The following MPPED2 variants were observed in gnomAD, a reference collection of about 807,000 sequenced individuals.
MPPED2 encodes the protein metallophosphoesterase domain containing 2, also known as metallophosphoesterase MPPED2.
A neutral mutation model predicts 33.0 loss-of-function variants in MPPED2; 5 were observed. That is an observed-to-expected ratio of 0.15 (90% CI 0.08 to 0.32). MPPED2 has a LOEUF of 0.32. MPPED2 is among the 10% of genes least tolerant of loss of function. The pLI, the probability that MPPED2 is intolerant of heterozygous loss-of-function variation, is 1.00. For synonymous variants in MPPED2, 136 were observed against 141.9 expected, an observed-to-expected ratio of 0.96 and a Z score of 0.29; for missense variants, 275 against 372.1, an observed-to-expected ratio of 0.74 and a Z score of 2.15.
At chr11:30,451,641 G>T (rs1950069106) in intron 4 of MPPED2, 1 of 911,026 alleles carries the variant, frequency 1.1e-6, no homozygotes, top group South Asian at 5.1e-5. Flanking sequence ...AATGATAAAA[G>T]AAGCCTGTAT....
intron 4 of MPPED2, among the ~76,000 whole-genome samples, chr11:30,439,479 G>T (rs1393206652): frequency 6.6e-6 from 1 of 152,154 alleles, no homozygotes; most frequent in Non-Finnish European, 1.5e-5. Flanking sequence ...ATGTCTGAAG[G>T]TTCGGGCACA....
chr11:30,414,535 T>C (rs1206029521), intron 5 of MPPED2, among the ~76,000 whole-genome samples, 194 bp from the exon 6 acceptor site: 1 of 147,554 alleles, frequency 6.8e-6, no homozygotes, highest in Admixed American at 6.8e-5. Flanking sequence ...TGAAATTTTT[T>C]TTTGGTTTCC....
At chr11:30,430,527 C>T (rs558785987) in intron 4 of MPPED2, among the ~76,000 whole-genome samples, 2 of 152,104 alleles carry the variant, frequency 1.3e-5, no homozygotes, top group Non-Finnish European at 2.9e-5. Context: ...ATATTCATAT[C>T]GGAAAATGCT....
intron 4 of MPPED2, among the ~76,000 whole-genome samples, chr11:30,435,593 C>A (rs1164903371): frequency 6.6e-6 from 1 of 152,178 alleles, no homozygotes; most frequent in East Asian, 1.9e-4. Flanking sequence ...AGTTGAAGAG[C>A]AGGAAGTTTT....
intron 4 of MPPED2, chr11:30,429,066 C>T (rs532395): frequency 0.22 from 33,496 of 152,064 alleles, 4,288 homozygotes; most frequent in Non-Finnish European, 0.3. Context: ...AAAAAGAAGA[C>T]GTTCACTTGG....
intron 2 of MPPED2, among the ~76,000 whole-genome samples, chr11:30,553,838 A>G (rs1420255422): frequency 6.6e-6 from 1 of 152,200 alleles, no homozygotes; most frequent in Non-Finnish European, 1.5e-5. Flanking sequence ...AGGATTGCAG[A>G]ATTATTGTCA....
At chr11:30,474,767 C>T (rs759432035) in intron 4 of MPPED2, among the ~76,000 whole-genome samples, 3 of 152,014 alleles carry the variant, frequency 2.0e-5, no homozygotes, top group Non-Finnish European at 4.4e-5. Flanking sequence ...AAGCTATTCT[C>T]GGTGTTGGTC....
At chr11:30,468,079 TAG>T (rs1211871926) in intron 4 of MPPED2, among the ~76,000 whole-genome samples, 4 of 152,324 alleles carry the variant, frequency 2.6e-5, no homozygotes, top group African/African-American at 9.6e-5. Context: ...CCTCATGTAC[TAG>T]AGTCATGATT....
At chr11:30,512,240 A>G (rs1331341340) in intron 3 of MPPED2, among the ~76,000 whole-genome samples, 2 of 152,048 alleles carry the variant, frequency 1.3e-5, no homozygotes, top group Non-Finnish European at 2.9e-5. Flanking sequence ...GGGTCATTCT[A>G]CTTGGCCACC....
chr11:30,543,661 C>T (rs565432150), intron 2 of MPPED2, among the ~76,000 whole-genome samples: 11 of 152,018 alleles, frequency 7.2e-5, no homozygotes, highest in South Asian at 2.1e-4. Context: ...TTGCAATTTA[C>T]GACTGTAGAC....
chr11:30,508,949 C>A (rs1476047636), intron 3 of MPPED2, among the ~76,000 whole-genome samples: 1 of 152,012 alleles, frequency 6.6e-6, no homozygotes, highest in Non-Finnish European at 1.5e-5. Flanking sequence ...CAGAAGGCCT[C>A]AATCATTACT....
At chr11:30,567,831 G>C (rs148049195) in intron 2 of MPPED2, among the ~76,000 whole-genome samples, 495 of 152,310 alleles carry the variant, frequency 3.2e-3, no homozygotes, top group African/African-American at 9.4e-3. Flanking sequence ...CACTGTCTCA[G>C]GCAGCAGGCA....
chr11:30,446,206 AGAG>A (rs1375642102), intron 4 of MPPED2, among the ~76,000 whole-genome samples: 1 of 152,226 alleles, frequency 6.6e-6, no homozygotes. Flanking sequence ...GTGTGCGGTT[AGAG>A]GAGACTGGCA....
chr11:30,412,157 T>G (rs1565041410), intron 6 of MPPED2, among the ~76,000 whole-genome samples: 1 of 151,288 alleles, frequency 6.6e-6, no homozygotes, highest in Non-Finnish European at 1.5e-5. Context: ...CTAAGTTCCA[T>G]TTCATTCAAA....
chr11:30,552,807 G>A (rs1955778696), intron 2 of MPPED2, among the ~76,000 whole-genome samples: 1 of 152,088 alleles, frequency 6.6e-6, no homozygotes, highest in Non-Finnish European at 1.5e-5. Context: ...TAGACACACA[G>A]CCCTAAGGAT....
intron 2 of MPPED2, among the ~76,000 whole-genome samples, chr11:30,557,974 A>C (rs1185473398): frequency 6.6e-6 from 1 of 152,192 alleles, no homozygotes. Context: ...AATAAATACG[A>C]GTAAAGATAA....
At chr11:30,561,369 T>C (rs1489363328) in intron 2 of MPPED2, among the ~76,000 whole-genome samples, 3 of 152,212 alleles carry the variant, frequency 2.0e-5, no homozygotes, top group African/African-American at 7.2e-5. Flanking sequence ...TGAAGTTCAA[T>C]AGTTCAACTT....
intron 3 of MPPED2, among the ~76,000 whole-genome samples, chr11:30,510,071 C>T (rs1005533256): frequency 6.6e-6 from 1 of 152,212 alleles, no homozygotes; most frequent in African/African-American, 2.4e-5. Context: ...CAGCAAGTAT[C>T]ATGCAGTAAC....
intron 4 of MPPED2, among the ~76,000 whole-genome samples, chr11:30,446,858 G>A (rs1301404258): frequency 6.6e-6 from 1 of 152,112 alleles, no homozygotes; most frequent in African/African-American, 2.4e-5. Flanking sequence ...CCAAGTTACC[G>A]ATTTCTCTGA....
Sources: allele counts gnomAD v4.1 joint callset (sites outside exome capture counted in the v4.1 genomes callset), GRCh38; gene constraint gnomAD v4.1.1; transcripts MANE v1.5; gene names NCBI Gene and HGNC (gene_info 2026-07-23, HGNC 2026-07-21).